Variants in CNTN5 observed in about 807,000 individuals in gnomAD.
CNTN5 encodes the protein contactin-5.
In CNTN5, 77 loss-of-function variants were observed where a neutral mutation model predicts 129.1. That is an observed-to-expected ratio of 0.60 (90% CI 0.50 to 0.72). The LOEUF (loss-of-function observed/expected upper bound fraction) is 0.72, where lower values mean the gene tolerates loss of function less well. Among genes scored for constraint, CNTN5 ranks in the 30% least tolerant of loss-of-function variants. CNTN5 has a pLI of 0.00. For synonymous variants in CNTN5, 509 were observed against 465.6 expected, an observed-to-expected ratio of 1.09 and a Z score of -1.20; for missense variants, 1,478 against 1,328.8, an observed-to-expected ratio of 1.11 and a Z score of -1.75.
chr11:99,527,550 T>G (rs1323951064), intron 2 of CNTN5, among the ~76,000 whole-genome samples: 3 of 151,920 alleles, frequency 2.0e-5, no homozygotes, highest in African/African-American at 7.2e-5. Flanking sequence ...GGAAGAAAAA[T>G]AGAGCAACTT....
intron 1 of CNTN5, among the ~76,000 whole-genome samples, chr11:99,270,461 C>T (rs78774715): frequency 0.091 from 13,814 of 151,780 alleles, 695 homozygotes; most frequent in South Asian, 0.13. Context: ...CCAAAACCTT[C>T]GGGAACAGTA....
At chr11:99,577,612 C>T (rs1949398955) in intron 3 of CNTN5, among the ~76,000 whole-genome samples, 1 of 151,818 alleles carries the variant, frequency 6.6e-6, no homozygotes, top group African/African-American at 2.4e-5. Context: ...TTCCATTGAG[C>T]CCGATCATTA....
rs542194248 is a variant in CNTN5, at chr11:99,954,993, A to G, written c.674-1813A>G. Among the ~76,000 whole-genome samples, 5 of 152,286 alleles carry G rather than the reference A, an allele frequency of 3.3e-5. No individual in the cohort carries two copies. The South Asian group carries it at 1.0e-3, about 32-fold the overall frequency. On this transcript the variant is annotated intron_variant, in intron 7 of 24. Coordinates refer to ENST00000524871, the MANE Select transcript of CNTN5 (RefSeq NM_014361.4). ...AATACAAAACATTAACTCAACAAATATCATCTGTGTAACAGAAACAGTATT... is the reference window on the plus strand; with the variant it reads ...AATACAAAACATTAACTCAACAAATGTCATCTGTGTAACAGAAACAGTATT...
chr11:100,078,956 AG>A (rs750935628), intron 13 of CNTN5, among the ~76,000 whole-genome samples: 36 of 152,252 alleles, frequency 2.4e-4, no homozygotes, highest in Middle Eastern at 3.4e-3. Flanking sequence ...GGGAGGCCTC[AG>A]GAAACGTACA....
chr11:100,099,366 A>G (rs1565238799), intron 13 of CNTN5, among the ~76,000 whole-genome samples: 1 of 151,966 alleles, frequency 6.6e-6, no homozygotes, highest in Non-Finnish European at 1.5e-5. Context: ...TTAGTTTGAT[A>G]TTATTTTCTG....
chr11:99,860,727 C>A (rs552088768), intron 6 of CNTN5, among the ~76,000 whole-genome samples: 1 of 152,042 alleles, frequency 6.6e-6, no homozygotes, highest in Non-Finnish European at 1.5e-5. Flanking sequence ...AAGTCAAGTA[C>A]TGTGATACCT....
intron 15 of CNTN5, among the ~76,000 whole-genome samples, chr11:100,223,901 A>G (rs1023861576): frequency 1.2e-4 from 18 of 152,188 alleles, no homozygotes; most frequent in Admixed American, 6.5e-5. Flanking sequence ...GACAACACTA[A>G]GTAATGGAAG....
chr11:99,027,570 G>A (rs1863161805), intron 1 of CNTN5, among the ~76,000 whole-genome samples: 1 of 151,574 alleles, frequency 6.6e-6, no homozygotes, highest in African/African-American at 2.4e-5. Flanking sequence ...GTATTTAATC[G>A]TCATTGTATC....
chr11:99,340,268 T>G (rs1008990927), intron 2 of CNTN5, among the ~76,000 whole-genome samples: 1 of 152,080 alleles, frequency 6.6e-6, no homozygotes, highest in Non-Finnish European at 1.5e-5. Flanking sequence ...AGCAAAGATG[T>G]AAAATAGTTA....
At chr11:99,275,483 T>A (rs539026548) in intron 1 of CNTN5, among the ~76,000 whole-genome samples, 6 of 151,860 alleles carry the variant, frequency 4.0e-5, no homozygotes, top group Admixed American at 3.3e-4. Flanking sequence ...AACCTACCAA[T>A]GAAGTGATTA....
At chr11:99,893,353 G>A (rs146520411) in intron 6 of CNTN5, among the ~76,000 whole-genome samples, 79 of 152,192 alleles carry the variant, frequency 5.2e-4, no homozygotes, top group Non-Finnish European at 8.8e-4. Context: ...CAAATAATAG[G>A]TGGACAACTT....
intron 6 of CNTN5, among the ~76,000 whole-genome samples, chr11:99,855,730 T>A (rs1187479577): frequency 1.3e-5 from 2 of 152,194 alleles, no homozygotes; most frequent in African/African-American, 4.8e-5. Flanking sequence ...TGGAATATAG[T>A]CAGCATTGTA....
At chr11:100,341,438 T>C (rs948661702) in intron 23 of CNTN5, among the ~76,000 whole-genome samples, 1 of 152,158 alleles carries the variant, frequency 6.6e-6, no homozygotes, top group East Asian at 1.9e-4. Context: ...GTAGCGACAA[T>C]CTGAATGTAG....
At chr11:99,107,917 C>A (rs190503300) in intron 1 of CNTN5, among the ~76,000 whole-genome samples, 11 of 123,754 alleles carry the variant, frequency 8.9e-5, no homozygotes, top group African/African-American at 2.6e-4. Flanking sequence ...GGCAACAGAG[C>A]GAGACTCAGT....
At chr11:99,435,761 C>T (rs1943574033) in intron 2 of CNTN5, among the ~76,000 whole-genome samples, 1 of 152,146 alleles carries the variant, frequency 6.6e-6, no homozygotes, top group African/African-American at 2.4e-5. Context: ...GCATAGTGAC[C>T]TACCATCATT....
rs949262720 is a variant in CNTN5 at position 99,201,332 on chromosome 11, C to T, written c.-209-124014C>T. Among the ~76,000 whole-genome samples the T allele has an allele frequency of 6.5e-4, 53 of 81,426 alleles. 2 individuals carry two copies. The East Asian group carries it at 0.074, about 113-fold the overall frequency. 53.4% of individuals were successfully genotyped at this position (81,426 alleles called of 152,430 possible). A position where few individuals can be genotyped will look rare whatever the true frequency, so the allele number is the denominator to read the frequency against. On this transcript the variant is annotated intron_variant, in intron 1 of 24. Transcript: ENST00000524871. Reference sequence around the variant, plus strand: ...AGCCACTGCGCCTGGCCCCTTCCTTCCTTCCTTCCTTCCTTTCCTTTCCTT... The same window carrying T: ...AGCCACTGCGCCTGGCCCCTTCCTTTCTTCCTTCCTTCCTTTCCTTTCCTT...
intron 7 of CNTN5, among the ~76,000 whole-genome samples, chr11:99,953,934 A>T (rs1356832055): frequency 6.6e-6 from 1 of 152,006 alleles, no homozygotes; most frequent in South Asian, 2.1e-4. Flanking sequence ...GTCCTGGATG[A>T]TATTGCCTAG....
intron 8 of CNTN5, among the ~76,000 whole-genome samples, chr11:99,981,855 A>C (rs1938371009): frequency 6.6e-6 from 1 of 152,226 alleles, no homozygotes. Flanking sequence ...AACTTACCAT[A>C]ATCAGAGCCC....
intron 2 of CNTN5, among the ~76,000 whole-genome samples, chr11:99,430,356 T>C (rs1425499980): frequency 8.2e-6 from 1 of 121,216 alleles, no homozygotes; most frequent in African/African-American, 3.5e-5. Context: ...TGTAAAATCA[T>C]ATATATATAT....
Sources: gnomAD v4.1 joint callset for allele counts (sites outside exome capture counted in the v4.1 genomes callset) on GRCh38, gnomAD v4.1.1 for gene constraint, MANE v1.5 for transcripts, NCBI Gene and HGNC (gene_info 2026-07-23, HGNC 2026-07-21) for gene names.